ESRRG: variants seen among roughly 807,000 people sequenced by gnomAD.
ESRRG encodes the protein estrogen-related receptor gamma.
A neutral mutation model predicts 44.0 loss-of-function variants in ESRRG; 13 were observed. That is an observed-to-expected ratio of 0.30 (90% CI 0.19 to 0.47). The LOEUF is 0.47. Ranked by LOEUF, ESRRG falls within the 20% of genes least tolerant of loss-of-function variation. The probability of loss-of-function intolerance (pLI) is 1.00; values close to 1 mark genes in which losing one functional copy is unlikely to be tolerated. For missense variants in ESRRG, 395 were observed against 580.6 expected (o/e 0.68, Z 3.29); for synonymous variants, 215 against 214.6 (o/e 1.00, Z -0.02).
intron 2 of ESRRG, among the ~76,000 whole-genome samples, chr1:216,818,742 A>G (rs1400373579): frequency 1.3e-5 from 2 of 152,072 alleles, no homozygotes; most frequent in African/African-American, 4.8e-5. Context: ...ACTATTAGCT[A>G]TTCTTCCAGA....
Position 216,723,340 on chromosome 1 carries a change from T to C in ESRRG, c.-41A>G. ...ATTATTTGTGCACCCCAGCTATAAATCAAAGTTTCCTTGACAGAGCACAGT... is the reference window on the plus strand; with the variant it reads ...ATTATTTGTGCACCCCAGCTATAAACCAAAGTTTCCTTGACAGAGCACAGT... On this transcript the variant is annotated 5_prime_UTR_variant, in exon 1 of 7. Transcript: ENST00000408911. The C allele has an allele frequency of 1.9e-6, 3 of 1,602,018 alleles. No homozygotes were observed. The highest frequency in any genetic ancestry group is 1.1e-5 in the South Asian group (1 of 90,862).
intron 5 of ESRRG, among the ~76,000 whole-genome samples, chr1:216,536,472 T>C (rs2051000298): frequency 6.6e-6 from 1 of 152,152 alleles, no homozygotes; most frequent in South Asian, 2.1e-4. Flanking sequence ...CTAGTCCCAC[T>C]GTCTAGCTCA....
At chr1:216,858,987 G>A (rs2096003465) in intron 2 of ESRRG, among the ~76,000 whole-genome samples, 1 of 152,160 alleles carries the variant, frequency 6.6e-6, no homozygotes. Context: ...GTTTTTGTGA[G>A]AATCAAATAA....
intron 5 of ESRRG, among the ~76,000 whole-genome samples, chr1:216,520,186 T>A (rs887781505): frequency 6.6e-6 from 1 of 152,178 alleles, no homozygotes; most frequent in African/African-American, 2.4e-5. Flanking sequence ...AGATTCTGAA[T>A]GTAAATACTG....
At chr1:216,807,502 C>T (rs1226338047) in intron 2 of ESRRG, among the ~76,000 whole-genome samples, 1 of 151,906 alleles carries the variant, frequency 6.6e-6, no homozygotes, top group East Asian at 1.9e-4. Context: ...AATTAAAATC[C>T]TTAAAATATG....
chr1:216,949,967 C>G (rs1349695434), intron 1 of ESRRG, among the ~76,000 whole-genome samples: 2 of 152,082 alleles, frequency 1.3e-5, no homozygotes, highest in African/African-American at 4.8e-5. Context: ...CACATGCCAC[C>G]ACACCCGGCT....
intron 6 of ESRRG, among the ~76,000 whole-genome samples, chr1:216,517,060 T>C (rs2044555603): frequency 6.6e-6 from 1 of 152,124 alleles, no homozygotes; most frequent in African/African-American, 2.4e-5. Flanking sequence ...CTGATTCAAT[T>C]GATTTTTCTC....
upstream of ESRRG, among the ~76,000 whole-genome samples, chr1:217,094,460 C>T (rs140913926): frequency 2.6e-4 from 39 of 152,286 alleles, no homozygotes; most frequent in African/African-American, 9.1e-4. Flanking sequence ...CTGAGTAAGC[C>T]TGTGTTCTTT....
intron 2 of ESRRG, among the ~76,000 whole-genome samples, chr1:216,788,503 G>GC (rs2094205895): frequency 1.3e-5 from 2 of 152,098 alleles, no homozygotes; most frequent in Admixed American, 1.3e-4. Context: ...AAAAGCAGAA[G>GC]CAAAATATTA....
chr1:216,634,402 AT>A (rs5780900), intron 3 of ESRRG, among the ~76,000 whole-genome samples: 40,499 of 149,184 alleles, frequency 0.27, 5,653 homozygotes, highest in East Asian at 0.45. Flanking sequence ...GTGGGCTTTT[AT>A]TTTTTTTTTT....
chr1:217,026,908 CACACAGAGAG>C (rs1357153330), intron 1 of ESRRG, among the ~76,000 whole-genome samples: 97 of 90,826 alleles, frequency 1.1e-3, no homozygotes, highest in African/African-American at 3.7e-3. Flanking sequence ...CACACACACA[CACACAGAGAG>C]AGAGAGAGAG....
upstream of ESRRG, among the ~76,000 whole-genome samples, chr1:216,724,193 C>A (rs771151492): frequency 1.3e-5 from 2 of 152,036 alleles, no homozygotes; most frequent in Non-Finnish European, 1.5e-5. Flanking sequence ...CTTTCTATAC[C>A]TGCGACTGTC....
intron 1 of ESRRG, among the ~76,000 whole-genome samples, chr1:217,036,789 C>T (rs2082975258): frequency 6.6e-6 from 1 of 150,856 alleles, no homozygotes; most frequent in East Asian, 2.0e-4. Flanking sequence ...ATGTAACAAA[C>T]TTGTACTTGT....
intron 2 of ESRRG, among the ~76,000 whole-genome samples, chr1:216,911,836 G>C (rs112960012): frequency 6.6e-6 from 1 of 152,008 alleles, no homozygotes; most frequent in South Asian, 2.1e-4. Flanking sequence ...TTGGGAGGCC[G>C]AGGCAGGTGG....
At chr1:216,934,206 G>A (rs2063767564) in intron 2 of ESRRG, among the ~76,000 whole-genome samples, 1 of 152,164 alleles carries the variant, frequency 6.6e-6, no homozygotes, top group Admixed American at 6.6e-5. Flanking sequence ...GGCTGAGGTG[G>A]GTGGATCACT....
chr1:216,601,401 G>T (rs1403112226), intron 3 of ESRRG, among the ~76,000 whole-genome samples: 1 of 152,146 alleles, frequency 6.6e-6, no homozygotes, highest in East Asian at 1.9e-4. Flanking sequence ...CGAAGGAGGG[G>T]GGCTCCAAGC....
intron 2 of ESRRG, among the ~76,000 whole-genome samples, chr1:216,840,920 G>A (rs1444519840): frequency 1.3e-5 from 2 of 151,988 alleles, no homozygotes; most frequent in Non-Finnish European, 2.9e-5. Flanking sequence ...TAATAATAAT[G>A]GGAAAGTTTG....
chr1:216,557,735 C>A (rs1194321611), intron 5 of ESRRG, among the ~76,000 whole-genome samples: 1 of 152,104 alleles, frequency 6.6e-6, no homozygotes, highest in South Asian at 2.1e-4. Context: ...TAGATTATCA[C>A]AAATGTATGC....
At chr1:216,662,025 A>T (rs903776003) in intron 2 of ESRRG, among the ~76,000 whole-genome samples, 2 of 152,176 alleles carry the variant, frequency 1.3e-5, no homozygotes, top group African/African-American at 4.8e-5. Context: ...GGTAATAATA[A>T]TTGATACATT....
Sources: allele counts gnomAD v4.1 joint callset (sites outside exome capture counted in the v4.1 genomes callset), GRCh38; gene constraint gnomAD v4.1.1; transcripts MANE v1.5; gene names NCBI Gene and HGNC (gene_info 2026-07-23, HGNC 2026-07-21).